The following LRRC37A2 variants were observed in gnomAD, a reference collection of about 807,000 sequenced individuals.
LRRC37A2 encodes the protein leucine-rich repeat-containing protein 37A2.
In LRRC37A2, 9 loss-of-function variants were observed where a neutral mutation model predicts 68.8. The observed-to-expected ratio is 0.13, with a 90% CI of 0.08 to 0.23. LRRC37A2 has a LOEUF of 0.23. Ranked by LOEUF, LRRC37A2 falls within the 10% of genes least tolerant of loss-of-function variation. The probability of loss-of-function intolerance (pLI) is 1.00; values close to 1 mark genes in which losing one functional copy is unlikely to be tolerated. For synonymous variants in LRRC37A2, 63 were observed against 367.6 expected (o/e 0.17, Z 9.48); for missense variants, 168 against 950.4 (o/e 0.18, Z 10.82).
the LRRC37A2 span, among the ~76,000 whole-genome samples, chr17:46,741,588 C>CAA: frequency 3.5e-4 from 50 of 144,874 alleles, no homozygotes; most frequent in Non-Finnish European, 5.6e-4. Flanking sequence ...CATTTAACTG[C>CAA]AAAAAAAAAA....
At chr17:46,679,305 CTA>C in the LRRC37A2 span, among the ~76,000 whole-genome samples, 11 of 139,328 alleles carry the variant, frequency 7.9e-5, no homozygotes, top group African/African-American at 2.8e-4. Flanking sequence ...TAACTTTTCT[CTA>C]TGTGTGATGT....
the LRRC37A2 span, among the ~76,000 whole-genome samples, chr17:46,823,198 TTATATATA>T: frequency 1.8e-5 from 2 of 109,356 alleles, no homozygotes; most frequent in African/African-American, 4.5e-5. Flanking sequence ...TTATATATAT[TTATATATA>T]ATATATTATA....
chr17:46,980,536 A>G, the LRRC37A2 span, among the ~76,000 whole-genome samples: 1 of 151,848 alleles, frequency 6.6e-6, no homozygotes, highest in African/African-American at 2.4e-5. Flanking sequence ...TAGAATCAAA[A>G]AGTAGGCCGG....
At chr17:46,569,352 T>TAG in the LRRC37A2 span, among the ~76,000 whole-genome samples, 1 of 148,478 alleles carries the variant, frequency 6.7e-6, no homozygotes, top group Non-Finnish European at 1.5e-5. Context: ...GAAGATTTTA[T>TAG]ATATATATAT....
At chr17:46,560,309 T>TA (rs2057486130), downstream of LRRC37A2, 3 of 11,782 alleles carry the variant, frequency 2.5e-4, no homozygotes, top group African/African-American at 1.3e-3. Flanking sequence ...TAGTGCTAAG[T>TA]ATTTGGCTTG....
chr17:47,000,083 AAAT>A, the LRRC37A2 span, among the ~76,000 whole-genome samples: 35,716 of 76,554 alleles, frequency 0.47, 8,772 homozygotes, highest in East Asian at 0.55. Flanking sequence ...ATAAAAAATA[AAAT>A]AAAATAAAAT....
At chr17:46,782,514 G>A in the LRRC37A2 span, among the ~76,000 whole-genome samples, 7 of 152,350 alleles carry the variant, frequency 4.6e-5, no homozygotes, top group East Asian at 1.3e-3. Context: ...GAAAGGAAAG[G>A]TTTGAGGAAA....
At chr17:46,735,466 TAAA>T in the LRRC37A2 span, among the ~76,000 whole-genome samples, 2 of 141,754 alleles carry the variant, frequency 1.4e-5, no homozygotes, top group Admixed American at 7.1e-5. Context: ...ACTTGAGGTT[TAAA>T]AAAAAAAAAA....
At chr17:46,886,089 T>A in the LRRC37A2 span, 1 of 152,322 alleles carries the variant, frequency 6.6e-6, no homozygotes, top group Non-Finnish European at 1.5e-5. Flanking sequence ...CAGATGAACT[T>A]CTTTCTCTCC....
the LRRC37A2 span, among the ~76,000 whole-genome samples, chr17:46,568,784 CCA>C: frequency 3.5e-5 from 2 of 56,844 alleles, no homozygotes; most frequent in Non-Finnish European, 7.2e-5. Flanking sequence ...GACCCTGTCT[CCA>C]AAAAAAAAAA....
chr17:46,689,991 CA>C, the LRRC37A2 span, among the ~76,000 whole-genome samples: 4 of 87,704 alleles, frequency 4.6e-5, no homozygotes, highest in East Asian at 4.6e-4. Flanking sequence ...CCCATCTCTA[CA>C]AAAAAAAATA....
At chr17:46,859,419 C>A in the LRRC37A2 span, among the ~76,000 whole-genome samples, 3 of 152,208 alleles carry the variant, frequency 2.0e-5, no homozygotes. Flanking sequence ...GTTTTCTCCA[C>A]TGTCATCTTT....
the LRRC37A2 span, among the ~76,000 whole-genome samples, chr17:46,389,986 TAACAC>T: frequency 6.6e-6 from 1 of 150,970 alleles, no homozygotes; most frequent in South Asian, 2.1e-4. Context: ...TAGGCTGCCA[TAACAC>T]AATACTATAG....
chr17:46,898,369 A>G, the LRRC37A2 span, among the ~76,000 whole-genome samples: 1 of 152,260 alleles, frequency 6.6e-6, no homozygotes, highest in African/African-American at 2.4e-5. Flanking sequence ...CATGTAAAAT[A>G]ATTCCCATGG....
At chr17:46,787,870 C>T in the LRRC37A2 span, among the ~76,000 whole-genome samples, 124 of 151,628 alleles carry the variant, frequency 8.2e-4, no homozygotes, top group African/African-American at 2.7e-3. Context: ...ACAGGAGAAT[C>T]GCTTGAACCT....
the LRRC37A2 span, among the ~76,000 whole-genome samples, chr17:46,854,968 T>G: frequency 6.6e-6 from 1 of 152,158 alleles, no homozygotes; most frequent in East Asian, 1.9e-4. Context: ...CCCATCACTT[T>G]CTCATACAGC....
At chr17:47,014,392 GA>G in the LRRC37A2 span, among the ~76,000 whole-genome samples, 285 of 99,454 alleles carry the variant, frequency 2.9e-3, no homozygotes, top group Middle Eastern at 0.01. Context: ...TCCATCTCGA[GA>G]AAAAAAAAAA....
At chr17:46,925,009 GAGAAAACTGCATGGCTC>G in the LRRC37A2 span, among the ~76,000 whole-genome samples, 1 of 152,182 alleles carries the variant, frequency 6.6e-6, no homozygotes, top group Non-Finnish European at 1.5e-5. Context: ...GCTAATCACA[GAGAAAACTGCATGGCTC>G]AGAAGAGGAA....
At chr17:46,655,949 A>G in the LRRC37A2 span, among the ~76,000 whole-genome samples, 1 of 103,800 alleles carries the variant, frequency 9.6e-6, no homozygotes, top group Non-Finnish European at 1.8e-5. Context: ...AACTTATAAT[A>G]TTTTAGCAAC....
Sources: gnomAD v4.1 joint callset for allele counts (sites outside exome capture counted in the v4.1 genomes callset) on GRCh38, gnomAD v4.1.1 for gene constraint, MANE v1.5 for transcripts, NCBI Gene and HGNC (gene_info 2026-07-23, HGNC 2026-07-21) for gene names.